NSUN4: variants seen among roughly 807,000 people sequenced by gnomAD.
The protein encoded by NSUN4 is 5-cytosine rRNA methyltransferase NSUN4.
Under a neutral mutation model 43.8 loss-of-function variants are expected in NSUN4, and 31 were observed. The observed-to-expected ratio is 0.71, with a 90% CI of 0.53 to 0.96. The LOEUF (loss-of-function observed/expected upper bound fraction) is 0.96, where lower values mean the gene tolerates loss of function less well. NSUN4 is among the 40% of genes least tolerant of loss of function. The probability of loss-of-function intolerance (pLI) is 0.00; values close to 1 mark genes in which losing one functional copy is unlikely to be tolerated. For missense variants in NSUN4, 439 were observed against 475.6 expected, an observed-to-expected ratio of 0.92 and a Z score of 0.72; for synonymous variants, 167 against 184.1, an observed-to-expected ratio of 0.91 and a Z score of 0.75.
At chr1:46,342,604 C>T in intron 1 of NSUN4, 1 of 399,640 alleles carries the variant, frequency 2.5e-6, no homozygotes, top group South Asian at 1.3e-4. Context: ...TCTGGTCCCC[C>T]CTGTTCCCAG....
chr1:46,382,732 G>T, the NSUN4 span, among the ~76,000 whole-genome samples: 1 of 151,832 alleles, frequency 6.6e-6, no homozygotes, highest in Middle Eastern at 3.2e-3. Context: ...CTCCCAAGTA[G>T]CTGGGATTAC....
the NSUN4 span, among the ~76,000 whole-genome samples, chr1:46,371,253 G>A: frequency 3.3e-5 from 5 of 150,484 alleles, no homozygotes; most frequent in East Asian, 2.0e-4. Flanking sequence ...TCAGCCTTTC[G>A]AGTAGCTGGG....
the NSUN4 span, among the ~76,000 whole-genome samples, chr1:46,376,883 G>A: frequency 5.4e-3 from 827 of 151,908 alleles, 11 homozygotes; most frequent in African/African-American, 0.019. Flanking sequence ...TCAGCCTCCC[G>A]AGTAGCTGGG....
At chr1:46,349,006 G>T (rs1413901211) in intron 3 of NSUN4, among the ~76,000 whole-genome samples, 1 of 151,394 alleles carries the variant, frequency 6.6e-6, no homozygotes, top group East Asian at 1.9e-4. Flanking sequence ...GTAGAGATGG[G>T]GTTTCACCAT....
At chr1:46,352,036 C>T (rs949232180) in intron 3 of NSUN4, among the ~76,000 whole-genome samples, 7 of 151,748 alleles carry the variant, frequency 4.6e-5, no homozygotes, top group African/African-American at 1.4e-4. Flanking sequence ...CTATGTTGCC[C>T]AGGCTGGTCT....
chr1:46,368,308 C>T (rs1243740625), downstream of NSUN4, among the ~76,000 whole-genome samples: 5 of 152,128 alleles, frequency 3.3e-5, no homozygotes, highest in Admixed American at 2.6e-4. Flanking sequence ...TGTGACTTTG[C>T]TGCTTCTGTC....
At chr1:46,351,767 C>A (rs1198761877) in intron 3 of NSUN4, among the ~76,000 whole-genome samples, 1 of 149,426 alleles carries the variant, frequency 6.7e-6, no homozygotes, top group Admixed American at 6.7e-5. Flanking sequence ...CGGGTTCACG[C>A]CTTTCCCCTG....
rs11460001 is a variant in NSUN4, at chr1:46,364,332, CA to C, written c.*2507del. The C allele has an allele frequency of 2.4e-3, 170 of 71,550 alleles. 1 individual carries two copies. Among genetic ancestry groups the C allele is most frequent in the Admixed American group, 6.8e-3 (36 of 5,282 alleles). 4.4% of individuals were successfully genotyped at this position (71,550 alleles called of 1,614,324 possible). On this transcript the variant is annotated 3_prime_UTR_variant, in exon 6 of 6. Transcript: ENST00000474844. ...AGGGTGACAGAGTGAGACTCTGTCT[CA>C]AAAAAAAAAAAAAAAAAAAAGGCAT... is the stretch of plus-strand genomic sequence containing the variant.
chr1:46,355,613 C>A (rs1365696674), intron 4 of NSUN4, among the ~76,000 whole-genome samples: 1 of 152,144 alleles, frequency 6.6e-6, no homozygotes, highest in Non-Finnish European at 1.5e-5. Flanking sequence ...TTATTATTTC[C>A]ATTCATTGAT....
chr1:46,350,476 A>G (rs960478705), intron 3 of NSUN4, among the ~76,000 whole-genome samples: 1 of 152,142 alleles, frequency 6.6e-6, no homozygotes, highest in Non-Finnish European at 1.5e-5. Context: ...TACCATTCCC[A>G]CCCTACCTTG....
intron 4 of NSUN4, among the ~76,000 whole-genome samples, chr1:46,353,507 G>A (rs1379004325): frequency 2.0e-5 from 3 of 150,198 alleles, no homozygotes; most frequent in Non-Finnish European, 4.4e-5. Context: ...ACGGAGTTTC[G>A]CTTTTGTTGC....
chr1:46,378,628 G>C, the NSUN4 span, among the ~76,000 whole-genome samples: 1 of 152,244 alleles, frequency 6.6e-6, no homozygotes, highest in African/African-American at 2.4e-5. Flanking sequence ...ATCAGGAGAT[G>C]TATCAGTTAG....
chr1:46,368,454 G>A (rs1039475456), downstream of NSUN4, among the ~76,000 whole-genome samples: 3 of 152,126 alleles, frequency 2.0e-5, no homozygotes, highest in Non-Finnish European at 2.9e-5. Context: ...CAACTTCCAC[G>A]CTCATTTTGG....
intron 1 of NSUN4, 37 bp downstream of exon 1, chr1:46,340,956 G>A: frequency 1.9e-6 from 3 of 1,550,882 alleles, no homozygotes; most frequent in South Asian, 1.1e-5. Flanking sequence ...GGAAAAGTGA[G>A]GGTGGAAACT....
At position 46,360,793 on chromosome 1, in the gene NSUN4, A is replaced by C. The variant is rs1384536647; in HGVS notation, c.843A>C (p.Arg281=). 1 of 1,614,066 alleles carries C rather than the reference A, an allele frequency of 6.2e-7. No homozygotes were observed. The highest frequency in any genetic ancestry group is 8.5e-7 in the Non-Finnish European group (1 of 1,179,928). The stretch of plus-strand genomic sequence containing the variant: ...TTAAGCGGTCAAGGAAGAAGGAGCG[A>C]CAGATATTGCCTGTGCTGCAAGTGC... ...NIFKRSRKKE[R]QILPVLQVQL... is the part of the protein sequence containing the mutation. Residue 281 remains arginine (R), a synonymous_variant, in exon 5 of 6, where the codon CGA becomes CGC. Coordinates refer to ENST00000474844, the MANE Select transcript of NSUN4 (RefSeq NM_199044.4).
intron 1 of NSUN4, chr1:46,341,127 A>G (rs994322780): frequency 1.5e-6 from 2 of 1,293,528 alleles, no homozygotes; most frequent in African/African-American, 3.0e-5. Context: ...TTACGTCTGC[A>G]GTCTCCTGAC....
chr1:46,362,001 TTGCTGTCC>T lies in NSUN4; in HGVS notation c.*164_*171del. ...TTTTCGGCAATAAGAAGTAGAAGAT[TTGCTGTCC>T]TGCTGTCCAATTGTGGAGCATCAGC... On this transcript the variant is annotated 3_prime_UTR_variant, in exon 6 of 6. Transcript: ENST00000474844. The T allele has an allele frequency of 1.4e-6, 1 of 694,398 alleles. No homozygotes were observed. Among genetic ancestry groups the T allele is most frequent in the Non-Finnish European group, 2.4e-6 (1 of 419,808 alleles). 43.0% of individuals were successfully genotyped at this position (694,398 alleles called of 1,614,324 possible).
In NSUN4 at chr1:46,362,564, A is replaced by G. The variant is rs919906946; in HGVS notation, c.*718A>G. The G allele has an allele frequency of 2.0e-5, 3 of 152,184 alleles. No individual in the cohort carries two copies. Among genetic ancestry groups the G allele is most frequent in the African/African-American group, 7.2e-5 (3 of 41,426 alleles). 9.4% of individuals were successfully genotyped at this position (152,184 alleles called of 1,614,324 possible). A position where few individuals can be genotyped will look rare whatever the true frequency, so the allele number is the denominator to read the frequency against. On this transcript the variant is annotated 3_prime_UTR_variant, in exon 6 of 6. Coordinates refer to ENST00000474844, the MANE Select transcript of NSUN4 (RefSeq NM_199044.4). ...TGCGTGCCTTGTTCTTTGTTCATTCATCTAGCAGGTATTCCCAGACCTCGT... is the reference window on the plus strand; with the variant it reads ...TGCGTGCCTTGTTCTTTGTTCATTCGTCTAGCAGGTATTCCCAGACCTCGT...
At chr1:46,349,065 G>A (rs1309193022) in intron 3 of NSUN4, among the ~76,000 whole-genome samples, 3 of 151,484 alleles carry the variant, frequency 2.0e-5, no homozygotes, top group Non-Finnish European at 4.4e-5. Flanking sequence ...CACCCACCTC[G>A]GCCTCCCAAA....
Sources: allele counts gnomAD v4.1 joint callset (sites outside exome capture counted in the v4.1 genomes callset), GRCh38; gene constraint gnomAD v4.1.1; transcripts MANE v1.5; gene names NCBI Gene and HGNC (gene_info 2026-07-23, HGNC 2026-07-21).